The following LYPLAL1 variants were observed in gnomAD, a reference collection of about 807,000 sequenced individuals.
LYPLAL1 encodes lysophospholipase-like protein 1.
LYPLAL1 carries 23 observed loss-of-function variants against 19.7 expected under a neutral mutation model. The observed-to-expected ratio is 1.17, with a 90% CI of 0.84 to 1.65. The LOEUF is 1.65. LYPLAL1 is among the 40% of genes most tolerant of loss of function. LYPLAL1 has a pLI of 0.00. For synonymous variants in LYPLAL1, 119 were observed against 96.3 expected (o/e 1.24, Z -1.38); for missense variants, 355 against 279.4 (o/e 1.27, Z -1.93).
At chr1:219,331,599 G>A in the LYPLAL1 span, among the ~76,000 whole-genome samples, 32 of 152,284 alleles carry the variant, frequency 2.1e-4, 1 homozygote, top group Admixed American at 1.2e-3. Flanking sequence ...CACACATGCC[G>A]TTGCCAAAGC....
At chr1:219,178,440 C>T (rs888476971) in intron 1 of LYPLAL1, among the ~76,000 whole-genome samples, 5 of 152,182 alleles carry the variant, frequency 3.3e-5, no homozygotes, top group Non-Finnish European at 5.9e-5. Context: ...AGTTTTTGAA[C>T]TGATACCTTA....
chr1:219,198,540 A>C (rs770030448), intron 3 of LYPLAL1: 1 of 152,124 alleles, frequency 6.6e-6, no homozygotes, highest in Non-Finnish European at 1.5e-5. Context: ...ACATTTATGA[A>C]AATAAATTTA....
the LYPLAL1 span, among the ~76,000 whole-genome samples, chr1:219,296,417 G>T: frequency 3.3e-5 from 5 of 152,108 alleles, no homozygotes; most frequent in Non-Finnish European, 4.4e-5. Context: ...TGAGACAAAG[G>T]GTAAGGAAGG....
the LYPLAL1 span, among the ~76,000 whole-genome samples, chr1:219,301,983 AAGAG>A: frequency 4.0e-5 from 6 of 151,140 alleles, no homozygotes; most frequent in African/African-American, 1.2e-4. Context: ...CAGAATGAAA[AAGAG>A]AGAGAGAGAG....
chr1:219,353,190 A>C, the LYPLAL1 span, among the ~76,000 whole-genome samples: 41 of 152,366 alleles, frequency 2.7e-4, no homozygotes, highest in South Asian at 8.3e-3. Flanking sequence ...GGAGCAATCA[A>C]AGCAGATCAT....
the LYPLAL1 span, among the ~76,000 whole-genome samples, chr1:219,402,277 T>G: frequency 5.3e-5 from 8 of 152,158 alleles, no homozygotes; most frequent in African/African-American, 1.9e-4. Context: ...AGGTTTAGTT[T>G]AGTTAGTTCT....
chr1:219,393,274 C>A, the LYPLAL1 span, among the ~76,000 whole-genome samples: 1 of 152,154 alleles, frequency 6.6e-6, no homozygotes, highest in Non-Finnish European at 1.5e-5. Flanking sequence ...CAGATTCAAG[C>A]CCAAAATGGC....
the LYPLAL1 span, among the ~76,000 whole-genome samples, chr1:219,291,789 T>TG: frequency 8.9e-5 from 1 of 11,262 alleles, no homozygotes; most frequent in Non-Finnish European, 1.9e-3. Context: ...CATTCATATG[T>TG]GCAAAAAAAA....
the LYPLAL1 span, among the ~76,000 whole-genome samples, chr1:219,399,153 T>A: frequency 6.6e-6 from 1 of 152,124 alleles, no homozygotes; most frequent in East Asian, 1.9e-4. Context: ...GGAAGCAACA[T>A]GGCTCAGTGA....
chr1:219,302,544 T>A, the LYPLAL1 span, among the ~76,000 whole-genome samples: 2 of 152,182 alleles, frequency 1.3e-5, no homozygotes, highest in African/African-American at 4.8e-5. Context: ...AGGTTGTGAA[T>A]CTAGGCAAGT....
chr1:219,205,482 A>T (rs1244149846), intron 3 of LYPLAL1, among the ~76,000 whole-genome samples: 2 of 152,206 alleles, frequency 1.3e-5, no homozygotes, highest in Non-Finnish European at 2.9e-5. Flanking sequence ...CATGAAAAAA[A>T]TAAGATACAT....
chr1:219,173,972 CATGGCTCAG>C lies in LYPLAL1; in HGVS notation c.83_91del (p.His28_Gly31delinsArg). On this transcript the variant is annotated inframe_deletion and splice_region_variant, in exon 1 of 5. Coordinates refer to ENST00000366928, the MANE Select transcript of LYPLAL1 (RefSeq NM_138794.5). ...GCATAGCGCCTCTCTGATCTTCCTGCATGGCTCAGGTGGATTTCAATTTTACGTCCTGGT... is the reference window on the plus strand; with the variant it reads ...GCATAGCGCCTCTCTGATCTTCCTGCGTGGATTTCAATTTTACGTCCTGGT... The C allele has an allele frequency of 6.2e-7, 1 of 1,614,122 alleles. No homozygotes were observed. Among genetic ancestry groups the C allele is most frequent in the Non-Finnish European group, 8.5e-7 (1 of 1,179,988 alleles).
chr1:219,419,079 A>G, the LYPLAL1 span, among the ~76,000 whole-genome samples: 1 of 152,142 alleles, frequency 6.6e-6, no homozygotes, highest in Non-Finnish European at 1.5e-5. Context: ...GTGGCTTCCA[A>G]GTTTTGGCAA....
At chr1:219,351,941 G>T in the LYPLAL1 span, among the ~76,000 whole-genome samples, 2 of 152,240 alleles carry the variant, frequency 1.3e-5, no homozygotes, top group African/African-American at 2.4e-5. Context: ...GTGGAGATTT[G>T]TCAGAGATTT....
chr1:219,193,310 CA>C, intron 3 of LYPLAL1, 59 bp downstream of exon 3: 1 of 1,353,480 alleles, frequency 7.4e-7, no homozygotes, highest in Non-Finnish European at 1.0e-6. Flanking sequence ...TTCTATACAT[CA>C]AATCTTACTT....
At chr1:219,404,353 C>T in the LYPLAL1 span, among the ~76,000 whole-genome samples, 1 of 152,250 alleles carries the variant, frequency 6.6e-6, no homozygotes, top group Admixed American at 6.5e-5. Flanking sequence ...AAAGAGTAAT[C>T]CTTTTCCAGA....
At chr1:219,277,625 G>T in the LYPLAL1 span, among the ~76,000 whole-genome samples, 2 of 152,126 alleles carry the variant, frequency 1.3e-5, no homozygotes, top group Non-Finnish European at 2.9e-5. Flanking sequence ...GAATCTGATG[G>T]CCTCACACAC....
At chr1:219,429,465 T>G in the LYPLAL1 span, among the ~76,000 whole-genome samples, 1 of 152,168 alleles carries the variant, frequency 6.6e-6, no homozygotes, top group Non-Finnish European at 1.5e-5. Context: ...CAAGACCAGC[T>G]TGGGCAACTA....
the LYPLAL1 span, among the ~76,000 whole-genome samples, chr1:219,261,762 A>G: frequency 6.6e-6 from 1 of 152,162 alleles, no homozygotes; most frequent in Non-Finnish European, 1.5e-5. Context: ...TTTTCGTTAC[A>G]GGTTAACTGA....
Sources: allele counts gnomAD v4.1 joint callset (sites outside exome capture counted in the v4.1 genomes callset), GRCh38; gene constraint gnomAD v4.1.1; transcripts MANE v1.5; gene names NCBI Gene and HGNC (gene_info 2026-07-23, HGNC 2026-07-21).